The following ZNF438 variants were observed in gnomAD, a reference collection of about 807,000 sequenced individuals.
The protein encoded by ZNF438 is zinc finger protein 438.
A neutral mutation model predicts 38.0 loss-of-function variants in ZNF438; 25 were observed. The observed-to-expected ratio is 0.66, with a 90% confidence interval of 0.48 to 0.92. The LOEUF is 0.92. Ranked by LOEUF, ZNF438 falls within the 40% of genes least tolerant of loss-of-function variation. ZNF438 has a pLI of 0.00. For synonymous variants in ZNF438, 372 were observed against 364.1 expected, an observed-to-expected ratio of 1.02 and a Z score of -0.25; for missense variants, 1,007 against 999.6, an observed-to-expected ratio of 1.01 and a Z score of -0.10.
chr10:30,871,648 G>GT (rs1564533596), intron 4 of ZNF438, among the ~76,000 whole-genome samples: 6 of 152,184 alleles, frequency 3.9e-5, no homozygotes, highest in African/African-American at 9.6e-5. Flanking sequence ...TCTGTAAGCT[G>GT]TAAGTATACA....
chr10:30,986,550 T>C (rs940693354), intron 1 of ZNF438, among the ~76,000 whole-genome samples: 3 of 152,230 alleles, frequency 2.0e-5, no homozygotes, highest in Non-Finnish European at 2.9e-5. Flanking sequence ...CCTAGTGTCA[T>C]GAGTATTGAT....
intron 1 of ZNF438, among the ~76,000 whole-genome samples, chr10:30,979,592 C>G (rs2051863418): frequency 6.6e-6 from 1 of 152,158 alleles, no homozygotes; most frequent in African/African-American, 2.4e-5. Context: ...AGAACAGAGG[C>G]CTCAGAAATA....
At chr10:30,845,495 A>G in exon 6 of ZNF438, 1 of 1,614,120 alleles carries the variant, frequency 6.2e-7, no homozygotes, top group East Asian at 2.2e-5. Context: ...TAATCTGACA[A>G]CGACCACATT....
intron 1 of ZNF438, among the ~76,000 whole-genome samples, chr10:30,945,463 A>G (rs942030189): frequency 4.0e-5 from 6 of 150,974 alleles, no homozygotes; most frequent in South Asian, 4.2e-4. Context: ...CAGGTTAGTT[A>G]CATACGTATA....
intron 1 of ZNF438, among the ~76,000 whole-genome samples, chr10:30,981,221 G>T (rs1283889349): frequency 6.6e-6 from 1 of 152,220 alleles, no homozygotes; most frequent in African/African-American, 2.4e-5. Flanking sequence ...TTAGGGGACT[G>T]CAGAATGAGC....
chr10:30,854,787 G>T (rs563210072), intron 4 of ZNF438, among the ~76,000 whole-genome samples: 1 of 152,114 alleles, frequency 6.6e-6, no homozygotes, highest in Non-Finnish European at 1.5e-5. Flanking sequence ...GAGGAAGAGT[G>T]GGGGGATTAG....
intron 1 of ZNF438, among the ~76,000 whole-genome samples, chr10:30,975,444 T>C (rs992559692): frequency 6.6e-5 from 10 of 152,222 alleles, no homozygotes; most frequent in Non-Finnish European, 1.5e-4. Context: ...TGTTACCTGA[T>C]GCAGTAATTG....
intron 5 of ZNF438, among the ~76,000 whole-genome samples, chr10:30,846,135 T>G (rs957221522): frequency 6.6e-6 from 1 of 152,370 alleles, no homozygotes; most frequent in Non-Finnish European, 1.5e-5. Flanking sequence ...TAATGAACCA[T>G]GAAACCTCAC....
At chr10:30,922,134 A>G (rs1488792103) in intron 2 of ZNF438, among the ~76,000 whole-genome samples, 1 of 151,888 alleles carries the variant, frequency 6.6e-6, no homozygotes, top group Non-Finnish European at 1.5e-5. Flanking sequence ...CAGTGAGGAC[A>G]TTTTACTTAC....
intron 3 of ZNF438, among the ~76,000 whole-genome samples, chr10:30,891,579 T>C (rs980410305): frequency 3.3e-5 from 5 of 152,212 alleles, no homozygotes; most frequent in Admixed American, 6.5e-5. Context: ...TCCTAGTCTC[T>C]TGAATTTATC....
chr10:30,991,751 C>T (rs188120971), intron 1 of ZNF438, among the ~76,000 whole-genome samples: 1 of 152,170 alleles, frequency 6.6e-6, no homozygotes, highest in Non-Finnish European at 1.5e-5. Flanking sequence ...GAAAAAGAGA[C>T]AGCCAGCTCA....
At chr10:30,969,244 CA>C (rs111768609) in intron 1 of ZNF438, among the ~76,000 whole-genome samples, 26 of 151,980 alleles carry the variant, frequency 1.7e-4, no homozygotes, top group Non-Finnish European at 3.5e-4. Flanking sequence ...GAAGAGGGAA[CA>C]AAAAAATCAA....
chr10:30,844,954 T>C lies in ZNF438; in HGVS notation c.*7A>G, dbSNP rs202128136. ...CTCTCTCCTTAACCCCAGGCTGCCT[T>C]GGGGTCTCATTTCTCAGCTTCACTG... On this transcript the variant is annotated 3_prime_UTR_variant, in exon 6 of 6. Transcript: ENST00000413025. The C allele has an allele frequency of 6.0e-5, 97 of 1,611,792 alleles. No individual in the cohort carries two copies. In the African/African-American group the frequency reaches 1.2e-3, roughly 19 times the overall value.
chr10:30,954,291 T>TA (rs757907953), intron 1 of ZNF438, among the ~76,000 whole-genome samples: 1 of 152,176 alleles, frequency 6.6e-6, no homozygotes, highest in Non-Finnish European at 1.5e-5. Context: ...AAGTAGAAGT[T>TA]AGAGGAAAAT....
At chr10:30,847,968 G>A (rs2032652889) in intron 5 of ZNF438, among the ~76,000 whole-genome samples, 1 of 152,194 alleles carries the variant, frequency 6.6e-6, no homozygotes, top group Non-Finnish European at 1.5e-5. Flanking sequence ...AGCCTAATGG[G>A]CCAGAGCAAA....
intron 1 of ZNF438, among the ~76,000 whole-genome samples, chr10:30,956,622 G>C (rs1264067533): frequency 6.6e-6 from 1 of 151,998 alleles, no homozygotes; most frequent in African/African-American, 2.4e-5. Flanking sequence ...TGAGATAAAC[G>C]TTTTTAGATT....
At chr10:30,880,430 T>TC (rs1554828112) in intron 3 of ZNF438, among the ~76,000 whole-genome samples, 1 of 111,926 alleles carries the variant, frequency 8.9e-6, no homozygotes, top group Non-Finnish European at 1.8e-5. Flanking sequence ...AAATTCTATC[T>TC]AAAAAAAAAA....
intron 1 of ZNF438, among the ~76,000 whole-genome samples, chr10:30,950,943 A>C (rs541610763): frequency 0.12 from 15,340 of 124,030 alleles, 1,091 homozygotes; most frequent in Middle Eastern, 0.21. Flanking sequence ...GAGACACAAC[A>C]AAAAAAGAGA....
intron 1 of ZNF438, among the ~76,000 whole-genome samples, chr10:31,014,138 A>G (rs1409777618): frequency 5.3e-5 from 8 of 152,190 alleles, no homozygotes. Context: ...CCTTCTTTGC[A>G]GTCCAATTTG....
Sources: allele counts gnomAD v4.1 joint callset (sites outside exome capture counted in the v4.1 genomes callset), GRCh38; gene constraint gnomAD v4.1.1; transcripts MANE v1.5; gene names NCBI Gene and HGNC (gene_info 2026-07-23, HGNC 2026-07-21).